Variants in GRIA4 observed in about 807,000 individuals in gnomAD.
The protein encoded by GRIA4 is glutamate ionotropic receptor AMPA type subunit 4.
Under a neutral mutation model 104.0 loss-of-function variants are expected in GRIA4, and 34 were observed. That is an observed-to-expected ratio of 0.33 (90% CI 0.25 to 0.44). The LOEUF (loss-of-function observed/expected upper bound fraction) is 0.44, where lower values mean the gene tolerates loss of function less well. Ranked by LOEUF, GRIA4 falls within the 20% of genes least tolerant of loss-of-function variation. GRIA4 has a pLI of 1.00. For missense variants in GRIA4, 750 were observed against 1,096.5 expected (o/e 0.68, Z 4.46); for synonymous variants, 386 against 381.9 (o/e 1.01, Z -0.13).
intron 3 of GRIA4, among the ~76,000 whole-genome samples, chr11:105,735,093 C>CAATAT (rs1565502872): frequency 6.6e-6 from 1 of 151,864 alleles, no homozygotes; most frequent in Non-Finnish European, 1.5e-5. Context: ...AAATACAATA[C>CAATAT]GCAAATCAGC....
At chr11:105,926,294 C>G (rs542757551) in intron 12 of GRIA4, among the ~76,000 whole-genome samples, 1 of 152,168 alleles carries the variant, frequency 6.6e-6, no homozygotes, top group East Asian at 1.9e-4. Context: ...AGTCACTGTT[C>G]ATAGGTATTG....
chr11:105,682,975 C>T (rs957979885), intron 3 of GRIA4, among the ~76,000 whole-genome samples: 3 of 152,002 alleles, frequency 2.0e-5, no homozygotes, highest in African/African-American at 7.2e-5. Flanking sequence ...ACATTCTACT[C>T]GAAGGGGAAA....
intron 4 of GRIA4, among the ~76,000 whole-genome samples, chr11:105,845,739 C>T (rs1944566107): frequency 6.6e-6 from 1 of 151,956 alleles, no homozygotes; most frequent in African/African-American, 2.4e-5. Context: ...AAAAAATTAG[C>T]CAGGTGTGGT....
chr11:105,617,618 A>C (rs1417618992), intron 3 of GRIA4, among the ~76,000 whole-genome samples: 1 of 152,140 alleles, frequency 6.6e-6, no homozygotes, highest in African/African-American at 2.4e-5. Context: ...CAACTTATTC[A>C]TGAATCATAT....
intron 4 of GRIA4, among the ~76,000 whole-genome samples, chr11:105,844,892 A>G (rs1944528331): frequency 6.6e-6 from 1 of 152,232 alleles, no homozygotes; most frequent in Non-Finnish European, 1.5e-5. Context: ...TTTATAGAAG[A>G]CAGTAAACAG....
At position 105,915,482 on chromosome 11, in the gene GRIA4, G is replaced by A. The variant is rs184059553; in HGVS notation, c.1270-3230G>A. Among the ~76,000 whole-genome samples the A allele has an allele frequency of 2.0e-3, 301 of 152,142 alleles. 3 individuals carry two copies. Among genetic ancestry groups the A allele is most frequent in the African/African-American group, 6.9e-3 (285 of 41,512 alleles). On this transcript the variant is annotated intron_variant, in intron 10 of 16. Transcript: ENST00000282499. ...CCTGCTTCAGAAGAGATAACCTAGC[G>A]CTTGTTAATATTTACTTTCCTTTAG...
chr11:105,971,048 G>A (rs575087925), intron 14 of GRIA4, among the ~76,000 whole-genome samples: 3 of 152,086 alleles, frequency 2.0e-5, no homozygotes, highest in Non-Finnish European at 4.4e-5. Context: ...TCTTATAAGA[G>A]GAGTTTGTCT....
intron 15 of GRIA4, among the ~76,000 whole-genome samples, chr11:105,973,931 C>T (rs544155507): frequency 6.6e-6 from 1 of 152,194 alleles, no homozygotes; most frequent in African/African-American, 2.4e-5. Context: ...TCCCCTTTCT[C>T]CCATAATTGG....
intron 4 of GRIA4, among the ~76,000 whole-genome samples, chr11:105,857,326 T>C (rs1427236254): frequency 2.0e-5 from 3 of 152,148 alleles, no homozygotes; most frequent in Admixed American, 1.3e-4. Context: ...CCACCAGTTT[T>C]GGATACTGAC....
chr11:105,650,703 A>C (rs1951662669), intron 3 of GRIA4, among the ~76,000 whole-genome samples: 1 of 152,180 alleles, frequency 6.6e-6, no homozygotes, highest in South Asian at 2.1e-4. Flanking sequence ...CAGTTGGTCT[A>C]GTGTAGGGCA....
Position 105,973,252 on chromosome 11 carries a change from T to C in GRIA4, c.2410-1058T>C, listed in dbSNP as rs148612832. On this transcript the variant is annotated intron_variant, in intron 15 of 16. Coordinates refer to ENST00000282499, the MANE Select transcript of GRIA4 (RefSeq NM_000829.4). ...CTATAAAACTCGTTAAGGGTCTGAA[T>C]CACATTTTGCACAAAACATACTGCT... Among the ~76,000 whole-genome samples the C allele has an allele frequency of 2.7e-3, 416 of 152,258 alleles. 4 individuals carry two copies. In the Middle Eastern group the frequency reaches 0.051, roughly 19 times the overall value.
At chr11:105,679,782 A>C (rs1172145882) in intron 3 of GRIA4, among the ~76,000 whole-genome samples, 1 of 152,146 alleles carries the variant, frequency 6.6e-6, no homozygotes, top group Non-Finnish European at 1.5e-5. Flanking sequence ...TATTTATAAC[A>C]ACCTTCTTTC....
Position 105,905,188 on chromosome 11 carries a change from T to C in GRIA4, c.1054-9T>C, listed in dbSNP as rs1257858702. The C allele has an allele frequency of 2.0e-6, 3 of 1,532,036 alleles. No homozygotes were observed. Among genetic ancestry groups the C allele is most frequent in the South Asian group, 1.1e-5 (1 of 89,312 alleles). 94.9% of individuals were successfully genotyped at this position (1,532,036 alleles called of 1,614,324 possible). A position where few individuals can be genotyped will look rare whatever the true frequency, so the allele number is the denominator to read the frequency against. On this transcript the variant is annotated splice_polypyrimidine_tract_variant and intron_variant, in intron 8 of 16. Coordinates refer to ENST00000282499, the MANE Select transcript of GRIA4 (RefSeq NM_000829.4). ...CAAGTGAACACGTGTGGTTTTCTTT[T>C]TCACTTAGGTTCGAATTCAAGGGCT...
intron 3 of GRIA4, among the ~76,000 whole-genome samples, chr11:105,744,644 T>C (rs763084964): frequency 2.8e-4 from 42 of 152,282 alleles, no homozygotes; most frequent in Middle Eastern, 3.4e-3. Context: ...ACCCAGGACT[T>C]CAAGGTGGTG....
chr11:105,675,846 T>G (rs1030787625), intron 3 of GRIA4, among the ~76,000 whole-genome samples: 2 of 151,832 alleles, frequency 1.3e-5, no homozygotes, highest in Admixed American at 6.6e-5. Context: ...TTTATACTAC[T>G]TCAGTTATTC....
chr11:105,852,546 C>G (rs2135991324), intron 4 of GRIA4, among the ~76,000 whole-genome samples: 1 of 152,184 alleles, frequency 6.6e-6, no homozygotes. Context: ...TACCACTGAT[C>G]CCATCATTTG....
intron 3 of GRIA4, among the ~76,000 whole-genome samples, chr11:105,736,633 T>C (rs1938965384): frequency 6.6e-6 from 1 of 152,090 alleles, no homozygotes; most frequent in African/African-American, 2.4e-5. Flanking sequence ...TAAATTATTT[T>C]ACTTTAGATG....
intron 4 of GRIA4, among the ~76,000 whole-genome samples, chr11:105,791,833 G>A (rs529674350): frequency 8.5e-5 from 13 of 152,264 alleles, no homozygotes; most frequent in African/African-American, 2.4e-4. Context: ...TGAATTACAC[G>A]TGGGCAATGT....
intron 4 of GRIA4, among the ~76,000 whole-genome samples, chr11:105,812,167 T>C (rs1471045201): frequency 6.6e-6 from 1 of 152,224 alleles, no homozygotes; most frequent in Admixed American, 6.5e-5. Flanking sequence ...CAAAGACCTT[T>C]GAGTTCCTTC....
Sources: allele counts gnomAD v4.1 joint callset (sites outside exome capture counted in the v4.1 genomes callset), GRCh38; gene constraint gnomAD v4.1.1; transcripts MANE v1.5; gene names NCBI Gene and HGNC (gene_info 2026-07-23, HGNC 2026-07-21).